RALGPS2: variants seen among roughly 807,000 people sequenced by gnomAD.
The protein encoded by RALGPS2 is Ral GEF with PH domain and SH3 binding motif 2, also known as ras-specific guanine nucleotide-releasing factor RalGPS2.
A neutral mutation model predicts 86.8 loss-of-function variants in RALGPS2; 43 were observed. The ratio of observed to expected loss-of-function variants is 0.50; its 90% CI spans 0.39 to 0.64. The LOEUF is 0.64. Ranked by LOEUF, RALGPS2 falls within the 30% of genes least tolerant of loss-of-function variation. The probability of loss-of-function intolerance (pLI) is 0.00; values close to 1 mark genes in which losing one functional copy is unlikely to be tolerated. For missense variants in RALGPS2, 536 were observed against 694.6 expected (o/e 0.77, Z 2.57); for synonymous variants, 243 against 231.3 (o/e 1.05, Z -0.46).
chr1:178,847,213 A>C (rs540507716), intron 8 of RALGPS2, among the ~76,000 whole-genome samples: 2 of 152,242 alleles, frequency 1.3e-5, no homozygotes, highest in Non-Finnish European at 2.9e-5. Flanking sequence ...TGGGAGGCCA[A>C]AGCAGGCGGA....
chr1:178,892,789 TTGTC>T (rs778681422), intron 15 of RALGPS2, among the ~76,000 whole-genome samples: 8 of 152,190 alleles, frequency 5.3e-5, no homozygotes, highest in East Asian at 3.8e-4. Context: ...ATTCAGTTGT[TTGTC>T]TGGTTAAACC....
At chr1:178,858,962 T>C (rs1027940081) in intron 8 of RALGPS2, among the ~76,000 whole-genome samples, 2 of 152,176 alleles carry the variant, frequency 1.3e-5, no homozygotes, top group Admixed American at 6.5e-5. Context: ...AGTAGGATCT[T>C]TTGAGAGGTA....
intron 1 of RALGPS2, among the ~76,000 whole-genome samples, chr1:178,737,623 G>C (rs1572269907): frequency 3.3e-5 from 5 of 152,108 alleles, no homozygotes. Flanking sequence ...CCTTTCCTAT[G>C]TCAGAATATA....
intron 8 of RALGPS2, among the ~76,000 whole-genome samples, chr1:178,872,967 A>G (rs1442704167): frequency 1.3e-5 from 2 of 152,206 alleles, no homozygotes; most frequent in African/African-American, 4.8e-5. Context: ...AGGAAGGTTA[A>G]TGACAGACCA....
chr1:178,787,172 T>A (rs1653696279), intron 4 of RALGPS2, among the ~76,000 whole-genome samples: 1 of 152,038 alleles, frequency 6.6e-6, no homozygotes, highest in Non-Finnish European at 1.5e-5. Flanking sequence ...ATCAAAAAAA[T>A]GAAATTCTTT....
chr1:178,916,399 G>A lies in RALGPS2; in HGVS notation c.*40G>A, dbSNP rs566317321. On this transcript the variant is annotated 3_prime_UTR_variant, in exon 20 of 20. Transcript: ENST00000367635. ...AAGAGAGGTGAACTGTTGCTTCTAC[G>A]TGAGCATGAGGACCTGATAAAAGAG... 118 of 1,559,248 alleles carry A rather than the reference G, an allele frequency of 7.6e-5. No individual in the cohort carries two copies. The East Asian group carries it at 1.3e-3, about 18-fold the overall frequency.
intron 4 of RALGPS2, among the ~76,000 whole-genome samples, chr1:178,789,789 A>G (rs2102141622): frequency 6.6e-6 from 1 of 152,348 alleles, no homozygotes; most frequent in East Asian, 1.9e-4. Flanking sequence ...GCAGAGACTG[A>G]CAATTTTTGC....
At chr1:178,765,176 A>G (rs1337165533) in intron 1 of RALGPS2, among the ~76,000 whole-genome samples, 1 of 148,926 alleles carries the variant, frequency 6.7e-6, no homozygotes. Context: ...TTTTTTTTAT[A>G]CAGAGTCTTG....
intron 1 of RALGPS2, among the ~76,000 whole-genome samples, chr1:178,741,273 C>G (rs1412375926): frequency 6.6e-6 from 1 of 152,208 alleles, no homozygotes; most frequent in Admixed American, 6.5e-5. Context: ...CTGTTACTTT[C>G]ATTGTAAAGA....
At chr1:178,911,202 C>G (rs966398940) in intron 19 of RALGPS2, among the ~76,000 whole-genome samples, 2 of 152,020 alleles carry the variant, frequency 1.3e-5, no homozygotes, top group South Asian at 2.1e-4. Flanking sequence ...TTCAAAGAAC[C>G]AACTTTTGGT....
intron 8 of RALGPS2, chr1:178,851,454 G>A (rs1657170421): frequency 1.4e-6 from 1 of 718,404 alleles, no homozygotes; most frequent in Non-Finnish European, 2.1e-6. Flanking sequence ...AGTTTTAAAT[G>A]CCTTCACTTA....
chr1:178,760,824 A>G lies in RALGPS2; in HGVS notation c.-83-15858A>G, dbSNP rs539314172. 2.6e-5 allele frequency among the ~76,000 whole-genome samples: 4 copies of G among 152,218 alleles called. No individual in the cohort carries two copies. In the South Asian group the frequency reaches 8.3e-4, roughly 32 times the overall value. Reference sequence around the variant, plus strand: ...TGCTCTGGATTTCTTATACCTGGATATCTATCTCTTTAGCAAGATTAGGGA... The same window carrying G: ...TGCTCTGGATTTCTTATACCTGGATGTCTATCTCTTTAGCAAGATTAGGGA... On this transcript the variant is annotated intron_variant, in intron 1 of 19. Coordinates refer to ENST00000367635, the MANE Select transcript of RALGPS2 (RefSeq NM_152663.5).
chr1:178,727,794 A>G (rs1306615548), intron 1 of RALGPS2, among the ~76,000 whole-genome samples: 2 of 152,146 alleles, frequency 1.3e-5, no homozygotes, highest in Non-Finnish European at 2.9e-5. Flanking sequence ...GGTGCCAGTT[A>G]GTTCCCTAGA....
chr1:178,817,944 T>G (rs893577156), intron 6 of RALGPS2, among the ~76,000 whole-genome samples: 1 of 152,224 alleles, frequency 6.6e-6, no homozygotes, highest in African/African-American at 2.4e-5. Context: ...AGATTTGACT[T>G]CTTCCTTTCT....
At chr1:178,874,342 A>G (rs1412123060) in intron 8 of RALGPS2, among the ~76,000 whole-genome samples, 1 of 152,224 alleles carries the variant, frequency 6.6e-6, no homozygotes, top group Non-Finnish European at 1.5e-5. Context: ...ACTCTTCAAA[A>G]TCTTGTCTAT....
intron 8 of RALGPS2, chr1:178,853,230 T>C (rs12117953): frequency 0.055 from 53,759 of 984,006 alleles, 1,440 homozygotes; most frequent in Middle Eastern, 0.066. Context: ...AATTTATCCA[T>C]AGCTACTAAA....
chr1:178,862,344 A>G (rs1176656687), intron 8 of RALGPS2, among the ~76,000 whole-genome samples: 1 of 152,160 alleles, frequency 6.6e-6, no homozygotes, highest in African/African-American at 2.4e-5. Context: ...AATGTCACCA[A>G]ATCAACTAAC....
At chr1:178,728,683 A>G (rs1256986812) in intron 1 of RALGPS2, among the ~76,000 whole-genome samples, 1 of 152,116 alleles carries the variant, frequency 6.6e-6, no homozygotes, top group Non-Finnish European at 1.5e-5. Context: ...TACCCTGTAA[A>G]TTGTTTCTTT....
At chr1:178,887,127 T>C (rs766371288) in intron 13 of RALGPS2, among the ~76,000 whole-genome samples, 4 of 152,230 alleles carry the variant, frequency 2.6e-5, no homozygotes, top group Non-Finnish European at 5.9e-5. Context: ...TTGAGTCTTC[T>C]AGATGAGCAT....
Sources: gnomAD v4.1 joint callset for allele counts (sites outside exome capture counted in the v4.1 genomes callset) on GRCh38, gnomAD v4.1.1 for gene constraint, MANE v1.5 for transcripts, NCBI Gene and HGNC (gene_info 2026-07-23, HGNC 2026-07-21) for gene names.